The following LRRC7 variants were observed in gnomAD, a reference collection of about 807,000 sequenced individuals.
LRRC7 encodes the protein leucine-rich repeat-containing protein 7.
Under a neutral mutation model 175.7 loss-of-function variants are expected in LRRC7, and 23 were observed. The observed-to-expected ratio is 0.13, with a 90% CI of 0.09 to 0.19. LRRC7 has a LOEUF of 0.19. Ranked by LOEUF, LRRC7 falls within the 10% of genes least tolerant of loss-of-function variation. The pLI, the probability that LRRC7 is intolerant of heterozygous loss-of-function variation, is 1.00. For synonymous variants in LRRC7, 685 were observed against 680.9 expected (o/e 1.01, Z -0.09); for missense variants, 1,354 against 1,904.7 (o/e 0.71, Z 5.38).
At chr1:69,813,848 G>C (rs1339834869) in intron 4 of LRRC7, among the ~76,000 whole-genome samples, 1 of 152,042 alleles carries the variant, frequency 6.6e-6, no homozygotes, top group African/African-American at 2.4e-5. Flanking sequence ...CTTGGATTAC[G>C]TGGTCTACAA....
chr1:69,999,934 C>G (rs551392725), intron 11 of LRRC7, among the ~76,000 whole-genome samples: 22 of 152,248 alleles, frequency 1.4e-4, no homozygotes, highest in Non-Finnish European at 2.5e-4. Flanking sequence ...ACACTGTGCT[C>G]TTCCTCACTG....
intron 8 of LRRC7, among the ~76,000 whole-genome samples, chr1:69,970,080 GAAC>G (rs1376837056): frequency 6.6e-6 from 1 of 152,152 alleles, no homozygotes; most frequent in African/African-American, 2.4e-5. Flanking sequence ...TCTTCGAACT[GAAC>G]AACAATAGTG....
chr1:69,946,556 T>A (rs904861961), intron 8 of LRRC7, among the ~76,000 whole-genome samples: 1 of 152,126 alleles, frequency 6.6e-6, no homozygotes, highest in Non-Finnish European at 1.5e-5. Context: ...TCTGTCAACA[T>A]TTGCATCATA....
intron 2 of LRRC7, among the ~76,000 whole-genome samples, chr1:69,733,184 T>C (rs921600329): frequency 2.0e-5 from 3 of 152,192 alleles, no homozygotes; most frequent in African/African-American, 7.2e-5. Context: ...GGCTACTTAA[T>C]GGCAGAATTG....
intron 7 of LRRC7, among the ~76,000 whole-genome samples, chr1:69,888,642 C>G (rs1299107757): frequency 6.6e-6 from 1 of 152,054 alleles, no homozygotes; most frequent in East Asian, 1.9e-4. Flanking sequence ...GGCTCCTCCT[C>G]CTGAGGACAT....
chr1:69,896,173 T>C (rs1300991760), intron 7 of LRRC7, among the ~76,000 whole-genome samples: 1 of 152,138 alleles, frequency 6.6e-6, no homozygotes, highest in Non-Finnish European at 1.5e-5. Context: ...TTTATATCGA[T>C]GCATAATAGA....
intron 7 of LRRC7, among the ~76,000 whole-genome samples, chr1:69,923,908 T>C: frequency 2.0e-5 from 3 of 150,712 alleles, no homozygotes; most frequent in African/African-American, 4.9e-5. Context: ...AATGCCTAGG[T>C]TTTCTTCTAG....
At chr1:69,796,203 G>A (rs1439826913) in intron 4 of LRRC7, among the ~76,000 whole-genome samples, 2 of 142,058 alleles carry the variant, frequency 1.4e-5, no homozygotes, top group African/African-American at 2.6e-5. Flanking sequence ...CCACCTATGA[G>A]TGAGAACATG....
intron 8 of LRRC7, among the ~76,000 whole-genome samples, chr1:69,977,910 T>A (rs912846446): frequency 3.9e-5 from 6 of 152,222 alleles, no homozygotes; most frequent in African/African-American, 1.4e-4. Context: ...ATAATAATAA[T>A]GTTTACAGTT....
At chr1:69,886,437 A>T (rs1365487125) in intron 7 of LRRC7, among the ~76,000 whole-genome samples, 2 of 151,580 alleles carry the variant, frequency 1.3e-5, no homozygotes, top group African/African-American at 4.9e-5. Context: ...CTAGGATTGC[A>T]AGCCCTGCCT....
At chr1:69,703,064 T>A (rs867302440) in intron 2 of LRRC7, among the ~76,000 whole-genome samples, 3 of 152,232 alleles carry the variant, frequency 2.0e-5, no homozygotes, top group Middle Eastern at 3.4e-3. Context: ...AATTACTTAA[T>A]GTTTTTAGTT....
At chr1:69,890,805 T>G (rs1394721284) in intron 7 of LRRC7, among the ~76,000 whole-genome samples, 1 of 152,254 alleles carries the variant, frequency 6.6e-6, no homozygotes, top group Non-Finnish European at 1.5e-5. Context: ...CCTTGCACTT[T>G]TATGTCATGA....
At chr1:69,999,426 T>C (rs778781822) in intron 11 of LRRC7, among the ~76,000 whole-genome samples, 2 of 152,150 alleles carry the variant, frequency 1.3e-5, no homozygotes, top group Admixed American at 1.3e-4. Flanking sequence ...AAAAAAATAC[T>C]TATGTTTGGT....
intron 7 of LRRC7, among the ~76,000 whole-genome samples, chr1:69,906,203 G>A (rs1250806353): frequency 6.6e-6 from 1 of 152,064 alleles, no homozygotes; most frequent in South Asian, 2.1e-4. Context: ...CTCCCATTTT[G>A]TGGGTTGCCT....
intron 7 of LRRC7, among the ~76,000 whole-genome samples, chr1:69,907,768 G>A (rs1484256263): frequency 6.6e-6 from 1 of 152,082 alleles, no homozygotes; most frequent in African/African-American, 2.4e-5. Flanking sequence ...GGATGATGCT[G>A]GCCTCATAAA....
At chr1:69,569,709 C>A (rs1008082233) in intron 1 of LRRC7, among the ~76,000 whole-genome samples, 1 of 151,920 alleles carries the variant, frequency 6.6e-6, no homozygotes, top group African/African-American at 2.4e-5. Context: ...ATAAAGGACC[C>A]GCCTCCGCCC....
intron 4 of LRRC7, among the ~76,000 whole-genome samples, chr1:69,800,060 A>T (rs750491582): frequency 4.6e-5 from 7 of 151,922 alleles, no homozygotes; most frequent in Non-Finnish European, 1.0e-4. Context: ...AAGATATGTC[A>T]CATTATCTCT....
At chr1:69,959,841 T>C (rs1169130678) in intron 8 of LRRC7, among the ~76,000 whole-genome samples, 1 of 152,136 alleles carries the variant, frequency 6.6e-6, no homozygotes, top group East Asian at 1.9e-4. Flanking sequence ...TGAAGGCTAC[T>C]TGATTGTGGT....
Position 70,133,419 on chromosome 1 carries a change from C to G in LRRC7, c.*11532C>G, listed in dbSNP as rs1483607035. Among the ~76,000 whole-genome samples the G allele has an allele frequency of 2.6e-5, 4 of 152,116 alleles. No homozygotes were observed. In the East Asian group the frequency reaches 7.7e-4, roughly 29 times the overall value. ...TATTTTTAGTAAAGACAGGTTTTCT[C>G]CATGTTGCCCAGGCTGGTCTTGAAC... is the stretch of plus-strand genomic sequence containing the variant. On this transcript the variant is annotated 3_prime_UTR_variant, in exon 27 of 27. Transcript: ENST00000651989.
Sources: gnomAD v4.1 joint callset for allele counts (sites outside exome capture counted in the v4.1 genomes callset) on GRCh38, gnomAD v4.1.1 for gene constraint, MANE v1.5 for transcripts, NCBI Gene and HGNC (gene_info 2026-07-23, HGNC 2026-07-21) for gene names.